The following SLC9A9 variants were observed in gnomAD, a reference collection of about 807,000 sequenced individuals.
SLC9A9 encodes sodium/hydrogen exchanger 9.
A neutral mutation model predicts 77.8 loss-of-function variants in SLC9A9; 62 were observed. The observed-to-expected ratio is 0.80, with a 90% confidence interval of 0.65 to 0.98. The LOEUF (loss-of-function observed/expected upper bound fraction) is 0.98, where lower values mean the gene tolerates loss of function less well. Ranked by LOEUF, SLC9A9 falls within the 50% of genes least tolerant of loss-of-function variation. SLC9A9 has a pLI of 0.00. For missense variants in SLC9A9, 775 were observed against 774.9 expected, an observed-to-expected ratio of 1.00 and a Z score of 0.00; for synonymous variants, 320 against 283.5, an observed-to-expected ratio of 1.13 and a Z score of -1.29.
intron 12 of SLC9A9, among the ~76,000 whole-genome samples, chr3:143,466,703 A>G (rs2035285925): frequency 6.6e-6 from 1 of 152,256 alleles, no homozygotes; most frequent in Non-Finnish European, 1.5e-5. Flanking sequence ...TTGTATCTTG[A>G]GGACAAGACC....
At position 143,772,022 on chromosome 3, in the gene SLC9A9, A is replaced by ATGTGTGTGTGTGTGTGTGTG. The variant is rs55750613; in HGVS notation, c.533+22959_533+22978dup. 4.0e-4 allele frequency among the ~76,000 whole-genome samples: 56 copies of ATGTGTGTGTGTGTGTGTGTG among 141,710 alleles called. 1 individual carries two copies. The highest frequency in any genetic ancestry group is 1.5e-3 in the African/African-American group (56 of 38,144). The allele number at this position is 141,710 out of a possible 152,430, so 93.0% of individuals were successfully genotyped here. A position where few individuals can be genotyped will look rare whatever the true frequency, so the allele number is the denominator to read the frequency against. On this transcript the variant is annotated intron_variant, in intron 4 of 15. Transcript: ENST00000316549. ...AAGACAGCCTCAGAGCATCCCCAGA[A>ATGTGTGTGTGTGTGTGTGTG]TGTGTGTGTGTGTGTGTGTGTGTGT...
At chr3:143,361,252 C>T (rs1176482881) in intron 14 of SLC9A9, among the ~76,000 whole-genome samples, 4 of 152,194 alleles carry the variant, frequency 2.6e-5, no homozygotes, top group Non-Finnish European at 4.4e-5. Flanking sequence ...ATTTGTGATA[C>T]CTCATTTTCA....
chr3:143,704,255 G>C (rs1576670619), intron 4 of SLC9A9, among the ~76,000 whole-genome samples: 1 of 152,108 alleles, frequency 6.6e-6, no homozygotes, highest in Non-Finnish European at 1.5e-5. Flanking sequence ...AACAAGACCA[G>C]ACAACGACAC....
At chr3:143,784,358 G>A (rs2007978276) in intron 4 of SLC9A9, among the ~76,000 whole-genome samples, 1 of 152,100 alleles carries the variant, frequency 6.6e-6, no homozygotes, top group Non-Finnish European at 1.5e-5. Context: ...AAAACGGGAG[G>A]CATTCACTAT....
chr3:143,391,194 C>G (rs1239162928), intron 12 of SLC9A9, among the ~76,000 whole-genome samples: 1 of 152,226 alleles, frequency 6.6e-6, no homozygotes, highest in Non-Finnish European at 1.5e-5. Context: ...AACTGGGAGG[C>G]ACCCTCCAGT....
intron 6 of SLC9A9, among the ~76,000 whole-genome samples, chr3:143,636,894 A>C (rs1174740509): frequency 2.0e-5 from 3 of 152,192 alleles, no homozygotes; most frequent in African/African-American, 7.2e-5. Flanking sequence ...ATTCATACGG[A>C]GCCTTAGCCC....
chr3:143,518,353 T>C, intron 9 of SLC9A9: 2 of 626,736 alleles, frequency 3.2e-6, no homozygotes, highest in East Asian at 5.5e-5. Flanking sequence ...GTAATATTAT[T>C]TGTTATCTAT....
At chr3:143,646,601 A>T (rs1206705106) in intron 6 of SLC9A9, among the ~76,000 whole-genome samples, 1 of 152,096 alleles carries the variant, frequency 6.6e-6, no homozygotes, top group African/African-American at 2.4e-5. Context: ...AATTCACTCA[A>T]CCAACTAGTA....
chr3:143,524,301 T>A (rs977925558), intron 9 of SLC9A9, among the ~76,000 whole-genome samples: 2 of 151,942 alleles, frequency 1.3e-5, no homozygotes, highest in African/African-American at 4.8e-5. Context: ...AGGAGAGGGA[T>A]AGAGGCTGAA....
intron 14 of SLC9A9, among the ~76,000 whole-genome samples, chr3:143,288,675 A>G (rs1485545775): frequency 6.6e-6 from 1 of 152,188 alleles, no homozygotes; most frequent in Non-Finnish European, 1.5e-5. Context: ...CCCTATTGGC[A>G]GTGATGTTCC....
intron 12 of SLC9A9, among the ~76,000 whole-genome samples, chr3:143,431,619 C>T (rs2108536480): frequency 6.6e-6 from 1 of 151,954 alleles, no homozygotes; most frequent in Non-Finnish European, 1.5e-5. Flanking sequence ...AGTGGCTGGA[C>T]TACAGGCACC....
intron 14 of SLC9A9, among the ~76,000 whole-genome samples, chr3:143,331,844 G>A (rs2031781117): frequency 6.6e-6 from 1 of 152,000 alleles, no homozygotes; most frequent in South Asian, 2.1e-4. Context: ...TCAGTTATAG[G>A]AAAAAAATGC....
At chr3:143,631,800 TA>T (rs2038426899) in intron 6 of SLC9A9, among the ~76,000 whole-genome samples, 1 of 152,180 alleles carries the variant, frequency 6.6e-6, no homozygotes, top group Non-Finnish European at 1.5e-5. Context: ...TCTGGATTTT[TA>T]TGCTAGTTCT....
At chr3:143,298,177 G>A (rs956576183) in intron 14 of SLC9A9, among the ~76,000 whole-genome samples, 15 of 152,188 alleles carry the variant, frequency 9.9e-5, no homozygotes, top group Non-Finnish European at 1.8e-4. Context: ...TTCCCCCCAC[G>A]TTGATGTTCA....
intron 4 of SLC9A9, among the ~76,000 whole-genome samples, chr3:143,702,739 A>T (rs2108790028): frequency 6.6e-6 from 1 of 152,186 alleles, no homozygotes; most frequent in African/African-American, 2.4e-5. Flanking sequence ...ATATAAGTGA[A>T]CTAAAGTCTC....
chr3:143,423,247 G>GCA (rs1559909510), intron 12 of SLC9A9, among the ~76,000 whole-genome samples: 1 of 72,460 alleles, frequency 1.4e-5, no homozygotes, highest in East Asian at 3.5e-4. Context: ...ACACGCGCGT[G>GCA]TACACACACA....
chr3:143,528,507 T>C (rs1002111187), intron 9 of SLC9A9, among the ~76,000 whole-genome samples: 8 of 152,192 alleles, frequency 5.3e-5, no homozygotes, highest in Non-Finnish European at 7.3e-5. Context: ...TGCTGTGATC[T>C]TTTCCCGTTT....
intron 9 of SLC9A9, among the ~76,000 whole-genome samples, chr3:143,511,314 G>A (rs1485486013): frequency 6.6e-6 from 1 of 152,164 alleles, no homozygotes; most frequent in Non-Finnish European, 1.5e-5. Flanking sequence ...CGACCTTTAA[G>A]ACAACCTTGG....
At chr3:143,404,596 CT>C (rs1442852744) in intron 12 of SLC9A9, among the ~76,000 whole-genome samples, 1 of 152,248 alleles carries the variant, frequency 6.6e-6, no homozygotes, top group South Asian at 2.1e-4. Flanking sequence ...CACACATACT[CT>C]TTTTTCCCCC....
Sources: gnomAD v4.1 joint callset for allele counts (sites outside exome capture counted in the v4.1 genomes callset) on GRCh38, gnomAD v4.1.1 for gene constraint, MANE v1.5 for transcripts, NCBI Gene and HGNC (gene_info 2026-07-23, HGNC 2026-07-21) for gene names.